Variants in TRPM3 observed in about 807,000 individuals in gnomAD.
TRPM3 encodes transient receptor potential cation channel subfamily M member 3.
A neutral mutation model predicts 181.2 loss-of-function variants in TRPM3; 77 were observed. The ratio of observed to expected loss-of-function variants is 0.42; its 90% confidence interval spans 0.35 to 0.51. The LOEUF is 0.51. TRPM3 is among the 20% of genes least tolerant of loss of function. The pLI, the probability that TRPM3 is intolerant of heterozygous loss-of-function variation, is 0.01. For missense variants in TRPM3, 1,759 were observed against 2,196.7 expected, an observed-to-expected ratio of 0.80 and a Z score of 3.98; for synonymous variants, 745 against 796.4, an observed-to-expected ratio of 0.94 and a Z score of 1.09.
At chr9:70,540,823 A>C (rs2131640979) in intron 25 of TRPM3, among the ~76,000 whole-genome samples, 1 of 152,336 alleles carries the variant, frequency 6.6e-6, no homozygotes, top group Middle Eastern at 3.4e-3. Flanking sequence ...CCCGGGGCTC[A>C]GGCAATCCTC....
intron 1 of TRPM3, among the ~76,000 whole-genome samples, chr9:71,064,053 G>C (rs1276051593): frequency 2.0e-5 from 3 of 152,062 alleles, no homozygotes; most frequent in Non-Finnish European, 4.4e-5. Context: ...TCATGATATG[G>C]AGTTCCCATT....
At chr9:71,074,346 ATTTAT>A (rs1262928208) in intron 1 of TRPM3, among the ~76,000 whole-genome samples, 1 of 152,082 alleles carries the variant, frequency 6.6e-6, no homozygotes, top group Non-Finnish European at 1.5e-5. Context: ...TTCATCTAAT[ATTTAT>A]TTTATGTTTT....
At chr9:71,085,367 T>C (rs2065096190) in intron 1 of TRPM3, among the ~76,000 whole-genome samples, 1 of 151,994 alleles carries the variant, frequency 6.6e-6, no homozygotes, top group Non-Finnish European at 1.5e-5. Context: ...AAGAAAATAT[T>C]CGCAAACAGT....
At chr9:71,370,830 A>G (rs1227452420) in intron 1 of TRPM3, among the ~76,000 whole-genome samples, 1 of 152,184 alleles carries the variant, frequency 6.6e-6, no homozygotes, top group Admixed American at 6.5e-5. Context: ...AGAGAAGTCA[A>G]TTCTTCAAAG....
intron 1 of TRPM3, among the ~76,000 whole-genome samples, chr9:71,152,806 C>T (rs1471433860): frequency 6.6e-6 from 1 of 152,124 alleles, no homozygotes; most frequent in East Asian, 1.9e-4. Flanking sequence ...AGTTAAGCAA[C>T]TTGTGGATGA....
intron 1 of TRPM3, among the ~76,000 whole-genome samples, chr9:71,011,626 G>C (rs1006792605): frequency 6.6e-6 from 1 of 151,604 alleles, no homozygotes; most frequent in South Asian, 2.1e-4. Context: ...ATTTTAATTT[G>C]ATTTTGAATT....
At chr9:70,862,548 A>AT (rs762694493) in intron 3 of TRPM3, among the ~76,000 whole-genome samples, 18 of 152,188 alleles carry the variant, frequency 1.2e-4, no homozygotes, top group Non-Finnish European at 2.1e-4. Context: ...CACCAAAGGG[A>AT]TAAAAAAAGG....
intron 1 of TRPM3, among the ~76,000 whole-genome samples, chr9:71,118,237 G>A (rs182337272): frequency 9.2e-4 from 140 of 152,170 alleles, no homozygotes; most frequent in Non-Finnish European, 1.7e-3. Context: ...ATTTCCAAAT[G>A]CAACCCCAAA....
chr9:71,414,983 A>G (rs919333305), intron 1 of TRPM3, among the ~76,000 whole-genome samples: 1 of 152,060 alleles, frequency 6.6e-6, no homozygotes, highest in Non-Finnish European at 1.5e-5. Context: ...ACTTGAAAAA[A>G]TATTTTTGCA....
At chr9:71,070,254 T>G (rs2062567301) in intron 1 of TRPM3, among the ~76,000 whole-genome samples, 1 of 152,244 alleles carries the variant, frequency 6.6e-6, no homozygotes. Flanking sequence ...GTGAACTTTT[T>G]CATGCGGCAG....
At chr9:71,061,063 T>C (rs1447097712) in intron 1 of TRPM3, among the ~76,000 whole-genome samples, 3 of 151,986 alleles carry the variant, frequency 2.0e-5, no homozygotes, top group Non-Finnish European at 2.9e-5. Flanking sequence ...TTAACAAGTG[T>C]CGGCCAGGGT....
intron 6 of TRPM3, among the ~76,000 whole-genome samples, chr9:70,815,452 C>T (rs62545999): frequency 0.03 from 4,557 of 152,120 alleles, 93 homozygotes; most frequent in Middle Eastern, 0.058. Flanking sequence ...AATAAGACTG[C>T]GCTATTTATG....
At chr9:71,324,542 A>G (rs573339080) in intron 1 of TRPM3, among the ~76,000 whole-genome samples, 12 of 152,122 alleles carry the variant, frequency 7.9e-5, no homozygotes, top group African/African-American at 2.9e-4. Context: ...TATATCCACT[A>G]TGGAAAACAG....
chr9:70,899,270 C>G (rs1410622078), intron 1 of TRPM3, among the ~76,000 whole-genome samples: 1 of 152,172 alleles, frequency 6.6e-6, no homozygotes, highest in African/African-American at 2.4e-5. Context: ...TAAAAGATGA[C>G]TTGTTATTCC....
chr9:70,778,000 C>T (rs899049234), intron 7 of TRPM3, among the ~76,000 whole-genome samples: 6 of 151,866 alleles, frequency 4.0e-5, no homozygotes, highest in Admixed American at 2.0e-4. Context: ...CAGACACACA[C>T]ACACACACAC....
At chr9:70,777,568 A>C in intron 7 of TRPM3, among the ~76,000 whole-genome samples, 1 of 152,152 alleles carries the variant, frequency 6.6e-6, no homozygotes, top group East Asian at 1.9e-4. Context: ...GTGGCAATAT[A>C]TCTATGTCTT....
chr9:70,686,913 A>G (rs1417367542), intron 8 of TRPM3, among the ~76,000 whole-genome samples: 1 of 140,832 alleles, frequency 7.1e-6, no homozygotes, highest in Non-Finnish European at 1.5e-5. Flanking sequence ...TCAACCTCCC[A>G]AGGCTCAGGT....
intron 1 of TRPM3, among the ~76,000 whole-genome samples, chr9:71,138,599 T>G (rs1182937255): frequency 1.3e-5 from 2 of 152,170 alleles, no homozygotes; most frequent in African/African-American, 4.8e-5. Context: ...TGAACTGTAC[T>G]CTTTAAATGG....
intron 6 of TRPM3, among the ~76,000 whole-genome samples, chr9:70,788,146 A>G (rs1414134812): frequency 1.7e-4 from 24 of 138,692 alleles, no homozygotes; most frequent in Admixed American, 4.3e-4. Context: ...ATATCTCCCA[A>G]TGCTATCCCT....
Sources: gnomAD v4.1 joint callset for allele counts (sites outside exome capture counted in the v4.1 genomes callset) on GRCh38, gnomAD v4.1.1 for gene constraint, MANE v1.5 for transcripts, NCBI Gene and HGNC (gene_info 2026-07-23, HGNC 2026-07-21) for gene names.